Variants in SLC12A5 observed in about 807,000 individuals in gnomAD.
The protein encoded by SLC12A5 is solute carrier family 12 member 5.
SLC12A5 carries 18 observed loss-of-function variants against 124.0 expected under a neutral mutation model. The observed-to-expected ratio is 0.15, with a 90% CI of 0.10 to 0.22. The LOEUF (loss-of-function observed/expected upper bound fraction) is 0.22. SLC12A5 is among the 10% of genes least tolerant of loss of function. SLC12A5 has a pLI of 1.00. For missense variants in SLC12A5, 867 were observed against 1,478.7 expected, an observed-to-expected ratio of 0.59 and a Z score of 6.78; for synonymous variants, 589 against 568.0, an observed-to-expected ratio of 1.04 and a Z score of -0.53.
In SLC12A5 at chr20:46,049,788, G is replaced by A. The variant is rs1240764984; in HGVS notation, c.2179G>A (p.Glu727Lys). 4 of 1,587,092 alleles carry A rather than the reference G, an allele frequency of 2.5e-6. No homozygotes were observed. Among genetic ancestry groups the A allele is most frequent in the African/African-American group, 1.3e-5 (1 of 74,710 alleles). Residue 727 changes from glutamate to lysine, a missense_variant and splice_region_variant, in exon 17 of 26, where the codon GAG becomes AAG. By Grantham distance (56) the Glu-to-Lys change is moderately conservative (BLOSUM62 1). Coordinates refer to ENST00000243964, the MANE Select transcript of SLC12A5 (RefSeq NM_020708.5). ...ENHPQAQRAE[E>K]SIRRLMEAEK... ...TCATCCACAGGCCCAGCGGGCAGAA[G>A]AGGTGAGCAGAGGCCCTGGTTGGGC...
upstream of SLC12A5, among the ~76,000 whole-genome samples, chr20:46,024,560 G>A (rs2084380864): frequency 6.6e-6 from 1 of 152,236 alleles, no homozygotes; most frequent in African/African-American, 2.4e-5. Flanking sequence ...GGGAGGGATA[G>A]CAGCATGTCT....
Position 46,053,489 on chromosome 20 carries a change from G to T in SLC12A5, c.2548-89G>T. 1 of 1,550,626 alleles carries T rather than the reference G, an allele frequency of 6.4e-7. No individual in the cohort carries two copies. The highest frequency in any genetic ancestry group is 1.1e-5 in the South Asian group (1 of 87,130). On this transcript the variant is annotated intron_variant, in intron 19 of 25. Coordinates refer to ENST00000243964, the MANE Select transcript of SLC12A5 (RefSeq NM_020708.5). The surrounding 1 kb of genome is among the most constrained non-coding windows in gnomAD (Gnocchi z 4.7). ...TGTATGTGTGAGGAGTGGGTGGGAA[G>T]AGGGGAAGGGTGAGCGGACAGGGCC...
At position 46,022,943 on chromosome 20, in the gene SLC12A5, G is replaced by GGGAGGAGGA. The variant is rs34923327; in HGVS notation, c.87_95dup (p.Gly30_Gly32dup). 3,538 of 365,336 alleles carry GGGAGGAGGA rather than the reference G, an allele frequency of 9.7e-3. 31 individuals carry two copies. The highest frequency in any genetic ancestry group is 0.028 in the African/African-American group (979 of 34,686). 22.6% of individuals were successfully genotyped at this position (365,336 alleles called of 1,614,324 possible). On this transcript the variant is annotated inframe_insertion, in exon 2 of 3. Transcript: ENST00000413737. Reference sequence around the variant, plus strand: ...ATCGGCTTGTAGTGGCCCCAGCGAGGGGAGGAGGAGGAGGAGGAGGAGGAG... The same window carrying GGGAGGAGGA: ...ATCGGCTTGTAGTGGCCCCAGCGAGGGGAGGAGGAGGAGGAGGAGGAGGAGGAGGAGGAG...
intron 1 of SLC12A5, among the ~76,000 whole-genome samples, chr20:46,033,386 A>G (rs1481923421): frequency 6.6e-6 from 1 of 152,188 alleles, no homozygotes; most frequent in Non-Finnish European, 1.5e-5. Context: ...AGGAAGGGTC[A>G]TGGCTGAAGC....
rs1191618736 is a variant in SLC12A5, at chr20:46,057,388, G to C, written c.3259+85G>C. On this transcript the variant is annotated intron_variant, in intron 25 of 25. Coordinates refer to ENST00000243964, the MANE Select transcript of SLC12A5 (RefSeq NM_020708.5). The surrounding 1 kb of genome is among the most constrained non-coding windows in gnomAD (Gnocchi z 7.1). ...GTCCCTGGGATGGAAGAGCTGAGCT[G>C]TTCCTGCCTCCGGATCAGCACCTCG... The C allele has an allele frequency of 1.2e-6, 2 of 1,604,240 alleles. No individual in the cohort carries two copies. Among genetic ancestry groups the C allele is most frequent in the South Asian group, 1.1e-5 (1 of 90,882 alleles).
At chr20:46,048,331 C>G (rs957465277) in intron 16 of SLC12A5, among the ~76,000 whole-genome samples, 2 of 152,300 alleles carry the variant, frequency 1.3e-5, no homozygotes, top group Admixed American at 1.3e-4. Context: ...GAGCAGTCAT[C>G]CATTCATTCA....
At chr20:46,027,480 G>A (rs2084410016), upstream of SLC12A5, among the ~76,000 whole-genome samples, 1 of 152,136 alleles carries the variant, frequency 6.6e-6, no homozygotes, top group Non-Finnish European at 1.5e-5. Context: ...CCTATACCCC[G>A]GTCTCCAGGG....
chr20:46,041,207 C>T, intron 7 of SLC12A5, 122 bp from the exon 8 acceptor site: 6 of 734,744 alleles, frequency 8.2e-6, no homozygotes, highest in East Asian at 2.9e-5. Context: ...TTAAATTAAA[C>T]GAGGAACTCT....
rs538352975 is a variant in SLC12A5, at chr20:46,058,024, C to T, written c.*419C>T. On this transcript the variant is annotated 3_prime_UTR_variant, in exon 26 of 26. Transcript: ENST00000243964. The surrounding 1 kb of genome is among the most constrained non-coding windows in gnomAD (Gnocchi z 5.8). ...TCCTCCGGCGCTGCTCCCTGGCTCC[C>T]GGCGGCCCGGAGGCCCGCGGGGTGG... 3.0e-3 allele frequency: 541 copies of T among 177,720 alleles called. 5 individuals carry two copies. The highest frequency in any genetic ancestry group is 0.012 in the African/African-American group (515 of 42,534). The allele number at this position is 177,720 out of a possible 1,614,324, so 11.0% of individuals were successfully genotyped here.
chr20:46,035,104 C>T, intron 2 of SLC12A5, 62 bp downstream of exon 2: 1 of 1,526,736 alleles, frequency 6.5e-7, no homozygotes, highest in Non-Finnish European at 9.1e-7. Flanking sequence ...ATCAGCTGCT[C>T]TCTCCCTCCC....
At chr20:46,021,911 T>C in intron 1 of SLC12A5, 1 of 1,496,882 alleles carries the variant, frequency 6.7e-7, no homozygotes, top group Non-Finnish European at 8.9e-7. Context: ...GGGCGGGGCC[T>C]GCCAGGGCCG....
Position 46,059,489 on chromosome 20 carries a change from G to T in SLC12A5, c.*1884G>T, listed in dbSNP as rs1477018849. 3.3e-5 allele frequency: 13 copies of T among 398,754 alleles called. No individual in the cohort carries two copies. Among genetic ancestry groups the T allele is most frequent in the Non-Finnish European group, 4.4e-5 (10 of 225,988 alleles). 24.7% of individuals were successfully genotyped at this position (398,754 alleles called of 1,614,324 possible). A position where few individuals can be genotyped will look rare whatever the true frequency, so the allele number is the denominator to read the frequency against. On this transcript the variant is annotated 3_prime_UTR_variant, in exon 26 of 26. Coordinates refer to ENST00000243964, the MANE Select transcript of SLC12A5 (RefSeq NM_020708.5). ...GACCTCCCTCTGAACACCACAGCCA[G>T]GTCCTGCCTTCTGGGGGCCTGAATA...
chr20:46,047,681 G>A, intron 15 of SLC12A5, 108 bp downstream of exon 15: 2 of 1,413,834 alleles, frequency 1.4e-6, no homozygotes, highest in Non-Finnish European at 1.9e-6. Context: ...AGATGAAGCA[G>A]GGAGTGGGAG....
At position 46,030,127 on chromosome 20, in the gene SLC12A5, C is replaced by T. The variant is rs567180507; in HGVS notation, c.52+731C>T. On this transcript the variant is annotated intron_variant, in intron 1 of 25. Coordinates refer to ENST00000243964, the MANE Select transcript of SLC12A5 (RefSeq NM_020708.5). Reference sequence around the variant, plus strand: ...TTTGCAGAATCTCTCTCTCGCTTTCCCGTGGGTTCCTATTCAGGACGGGAA... The same window carrying T: ...TTTGCAGAATCTCTCTCTCGCTTTCTCGTGGGTTCCTATTCAGGACGGGAA... Among the ~76,000 whole-genome samples, 4 of 152,234 alleles carry T rather than the reference C, an allele frequency of 2.6e-5. No individual in the cohort carries two copies. The South Asian group carries it at 8.3e-4, about 32-fold the overall frequency.
chr20:46,046,489 A>G (rs2084596582), intron 14 of SLC12A5, 53 bp downstream of exon 14: 14 of 1,507,320 alleles, frequency 9.3e-6, no homozygotes, highest in Non-Finnish European at 1.2e-5. Context: ...CCTCCACGCC[A>G]ATCCTCATCT....
intron 1 of SLC12A5, among the ~76,000 whole-genome samples, chr20:46,032,310 C>G (rs1316861091): frequency 2.6e-5 from 4 of 152,194 alleles, no homozygotes; most frequent in African/African-American, 9.6e-5. Context: ...GGAGGAGGCG[C>G]TTGGGAGGGG....
upstream of SLC12A5, among the ~76,000 whole-genome samples, chr20:46,026,740 C>T (rs974461462): frequency 6.6e-6 from 1 of 152,122 alleles, no homozygotes; most frequent in African/African-American, 2.4e-5. Flanking sequence ...TGATTTTGCC[C>T]AGAGATACAC....
Position 46,058,197 on chromosome 20 carries a change from A to G in SLC12A5, c.*592A>G. ...CTAGAAGCGCAACAGACTTCTCGCCATAGTCGAGCTCTCCCGCTGGGGGCA... is the reference window on the plus strand; with the variant it reads ...CTAGAAGCGCAACAGACTTCTCGCCGTAGTCGAGCTCTCCCGCTGGGGGCA... On this transcript the variant is annotated 3_prime_UTR_variant, in exon 26 of 26. Transcript: ENST00000243964. The surrounding 1 kb of genome is among the most constrained non-coding windows in gnomAD (Gnocchi z 5.8). 5.9e-6 allele frequency: 2 copies of G among 337,188 alleles called. No individual in the cohort carries two copies. The highest frequency in any genetic ancestry group is 1.1e-5 in the Non-Finnish European group (2 of 187,630). 20.9% of individuals were successfully genotyped at this position (337,188 alleles called of 1,614,324 possible). A position where few individuals can be genotyped will look rare whatever the true frequency, so the allele number is the denominator to read the frequency against.
Position 46,053,537 on chromosome 20 carries a change from A to T in SLC12A5, c.2548-41A>T. On this transcript the variant is annotated intron_variant, in intron 19 of 25. Transcript: ENST00000243964. The surrounding 1 kb of genome is among the most constrained non-coding windows in gnomAD (Gnocchi z 4.7). ...GCCTGGCCCTGGATCTCCTCATCAC[A>T]TCTGGGCTGGACCTTTCTGAATCCC... 2 of 1,610,622 alleles carry T rather than the reference A, an allele frequency of 1.2e-6. No individual in the cohort carries two copies. The highest frequency in any genetic ancestry group is 1.7e-6 in the Non-Finnish European group (2 of 1,178,888).
Sources: allele counts gnomAD v4.1 joint callset (sites outside exome capture counted in the v4.1 genomes callset), GRCh38; gene constraint gnomAD v4.1.1; non-coding constraint Gnocchi (gnomAD v3.1); transcripts MANE v1.5; gene names NCBI Gene and HGNC (gene_info 2026-07-23, HGNC 2026-07-21).